ENPP4: variants seen among roughly 807,000 people sequenced by gnomAD.
ENPP4 encodes the protein ectonucleotide pyrophosphatase/phosphodiesterase 4, also known as bis(5'-adenosyl)-triphosphatase ENPP4.
ENPP4 carries 18 observed loss-of-function variants against 33.4 expected under a neutral mutation model. The observed-to-expected ratio is 0.54, with a 90% CI of 0.37 to 0.80. The LOEUF is 0.80. Ranked by LOEUF, ENPP4 falls within the 30% of genes least tolerant of loss-of-function variation. The pLI, the probability that ENPP4 is intolerant of heterozygous loss-of-function variation, is 0.00. For synonymous variants in ENPP4, 172 were observed against 189.9 expected, an observed-to-expected ratio of 0.91 and a Z score of 0.78; for missense variants, 480 against 541.7, an observed-to-expected ratio of 0.89 and a Z score of 1.13.
chr6:46,139,742 C>G lies in ENPP4; in HGVS notation c.159C>G (p.Ile53Met). The change falls in exon 2 of 4, where the codon ATC becomes ATG. Residue 53 changes from isoleucine (I) to methionine (M), a missense_variant. Physicochemically the swap from Ile to Met is conservative, Grantham distance 10. Transcript: ENST00000321037. ...NYEFPHLQNF[I>M]KEGVLVEHVK... ...AATTTCCTCATCTCCAGAATTTTAT[C>G]AAAGAAGGTGTTTTGGTAGAGCATG... The G allele has an allele frequency of 6.2e-7, 1 of 1,611,794 alleles. No homozygotes were observed. The highest frequency in any genetic ancestry group is 1.7e-4 in the Middle Eastern group (1 of 6,048).
chr6:46,140,082 A>G lies in ENPP4; in HGVS notation c.499A>G (p.Ile167Val), dbSNP rs980249650. 6.2e-7 allele frequency: 1 copy of G among 1,612,654 alleles called. No homozygotes were observed. The highest frequency in any genetic ancestry group is 8.5e-7 in the Non-Finnish European group (1 of 1,179,076). The part of the protein sequence containing the change: ...SVSFEERLNN[I>V]TMWLNNSNPP... ...GTCATTTGAGGAAAGACTAAATAAT[A>G]TTACTATGTGGCTAAACAATTCGAA... The change falls in exon 2 of 4, where the codon ATT becomes GTT. Residue 167 changes from isoleucine (I) to valine (V), a missense_variant. Ile to Val is a conservative substitution (Grantham distance 29). Around this residue, in one of 3 missense-constraint regions of ENPP4, gnomAD observed 227 missense variants for 273.7 expected, o/e 0.83. Coordinates refer to ENST00000321037, the MANE Select transcript of ENPP4 (RefSeq NM_014936.5).
chr6:46,134,784 A>G (rs1055075953), intron 1 of ENPP4, among the ~76,000 whole-genome samples: 3 of 152,040 alleles, frequency 2.0e-5, no homozygotes, highest in African/African-American at 4.8e-5. Context: ...TGTCATCACA[A>G]TCAATTTGAA....
In ENPP4 at chr6:46,129,990, C is replaced by T. The variant is rs1422840484; in HGVS notation, c.-233C>T. The T allele has an allele frequency of 6.6e-6, 1 of 152,354 alleles. No individual in the cohort carries two copies. The highest frequency in any genetic ancestry group is 1.9e-4 in the East Asian group (1 of 5,180). The allele number at this position is 152,354 out of a possible 1,614,324, so 9.4% of individuals were successfully genotyped here. Reference sequence around the variant, plus strand: ...GACGCTCGCCTGGCAGCTGCGCACACTCGGAGCGCCCCGAGCGGCGCAGAT... The same window carrying T: ...GACGCTCGCCTGGCAGCTGCGCACATTCGGAGCGCCCCGAGCGGCGCAGAT... On this transcript the variant is annotated 5_prime_UTR_variant, in exon 1 of 4. Coordinates refer to ENST00000321037, the MANE Select transcript of ENPP4 (RefSeq NM_014936.5).
At position 46,141,179 on chromosome 6, in the gene ENPP4, C is replaced by G. The variant is rs9472696; in HGVS notation, c.954C>G (p.Ala318=). Residue 318 remains alanine, a synonymous_variant, in exon 3 of 4, where the codon GCC becomes GCG. Coordinates refer to ENST00000321037, the MANE Select transcript of ENPP4 (RefSeq NM_014936.5). ...NDRIQPIILV[A]DEGWTIVLNE... is the part of the protein sequence containing the mutation. ...GAATTCAGCCCATTATTTTGGTTGC[C>G]GATGAAGGCTGGACAATTGTGCTAA... 0.074 allele frequency: 118,884 copies of G among 1,607,900 alleles called. 5,332 individuals carry two copies. Among genetic ancestry groups the G allele is most frequent in the East Asian group, 0.18 (8,102 of 44,694 alleles).
At chr6:46,134,180 G>A (rs964239711) in intron 1 of ENPP4, among the ~76,000 whole-genome samples, 56 of 152,098 alleles carry the variant, frequency 3.7e-4, no homozygotes, top group African/African-American at 1.1e-3. Flanking sequence ...AATGATAAAG[G>A]GAAACTAATT....
At chr6:46,131,387 C>T (rs1486553798) in intron 1 of ENPP4, among the ~76,000 whole-genome samples, 1 of 151,308 alleles carries the variant, frequency 6.6e-6, no homozygotes, top group Non-Finnish European at 1.5e-5. Flanking sequence ...TCAATTCCCA[C>T]CTATGAGTGA....
chr6:46,132,746 T>G (rs1211878274), intron 1 of ENPP4, among the ~76,000 whole-genome samples: 8 of 152,108 alleles, frequency 5.3e-5, no homozygotes, highest in Admixed American at 2.0e-4. Flanking sequence ...ACCTTGGGCA[T>G]TATGGCCATT....
intron 1 of ENPP4, among the ~76,000 whole-genome samples, chr6:46,133,047 T>A (rs1195975734): frequency 6.6e-6 from 1 of 152,178 alleles, no homozygotes; most frequent in Non-Finnish European, 1.5e-5. Context: ...AAGGAGATTC[T>A]GGGCTGAGAC....
intron 1 of ENPP4, among the ~76,000 whole-genome samples, chr6:46,131,119 CA>C (rs970051133): frequency 3.4e-4 from 40 of 116,910 alleles, no homozygotes; most frequent in African/African-American, 9.5e-4. Context: ...ATTTGGAAGA[CA>C]TTTTTTTTTA....
intron 1 of ENPP4, among the ~76,000 whole-genome samples, chr6:46,131,119 CAT>C (rs1491380966): frequency 8.6e-6 from 1 of 116,794 alleles, no homozygotes; most frequent in Non-Finnish European, 2.1e-5. Flanking sequence ...ATTTGGAAGA[CAT>C]TTTTTTTTAT....
intron 1 of ENPP4, among the ~76,000 whole-genome samples, chr6:46,136,857 T>G (rs956477293): frequency 6.6e-6 from 1 of 151,888 alleles, no homozygotes; most frequent in Non-Finnish European, 1.5e-5. Flanking sequence ...AGTGGGTAGC[T>G]GTTAAAAATG....
intron 3 of ENPP4, 113 bp from the exon 4 acceptor site, chr6:46,143,163 A>T: frequency 9.3e-7 from 1 of 1,079,810 alleles, no homozygotes; most frequent in Non-Finnish European, 1.3e-6. Context: ...AGAAATAGAA[A>T]TTTTTATTTC....
At position 46,145,242 on chromosome 6, in the gene ENPP4, T is replaced by G. The variant is rs184844576; in HGVS notation, c.*1602T>G. Reference sequence around the variant, plus strand: ...CAAACATACAGTGCGTCCTATTGAGTCACTGCTAATTTCTTGAGCCTGGTA... The same window carrying G: ...CAAACATACAGTGCGTCCTATTGAGGCACTGCTAATTTCTTGAGCCTGGTA... On this transcript the variant is annotated 3_prime_UTR_variant, in exon 4 of 4. Coordinates refer to ENST00000321037, the MANE Select transcript of ENPP4 (RefSeq NM_014936.5). 2 of 279,502 alleles carry G rather than the reference T, an allele frequency of 7.2e-6. No individual in the cohort carries two copies. The highest frequency in any genetic ancestry group is 1.0e-4 in the Admixed American group (2 of 19,108). 17.3% of individuals were successfully genotyped at this position (279,502 alleles called of 1,614,324 possible). A position where few individuals can be genotyped will look rare whatever the true frequency, so the allele number is the denominator to read the frequency against.
In ENPP4 at chr6:46,139,813, T is replaced by G. The variant is rs751209507; in HGVS notation, c.230T>G (p.Ile77Ser). Reference sequence around the variant, plus strand: ...AAAACATTTCCAAACCACTACAGTATTGTGACAGGCTTGTATGAAGAAAGC... The same window carrying G: ...AAAACATTTCCAAACCACTACAGTAGTGTGACAGGCTTGTATGAAGAAAGC... The part of the protein sequence containing the change: ...ITKTFPNHYS[I>S]VTGLYEESHG... Residue 77 changes from isoleucine to serine, a missense_variant, in exon 2 of 4, where the codon ATT becomes AGT. This residue lies in a region of ENPP4 where 227 missense variants were observed against 273.7 expected (regional missense o/e 0.83). Coordinates refer to ENST00000321037, the MANE Select transcript of ENPP4 (RefSeq NM_014936.5). 6.2e-6 allele frequency: 10 copies of G among 1,612,500 alleles called. No homozygotes were observed. The highest frequency in any genetic ancestry group is 6.8e-6 in the Non-Finnish European group (8 of 1,178,962).
chr6:46,136,335 G>C (rs1469457057), intron 1 of ENPP4, among the ~76,000 whole-genome samples: 2 of 151,994 alleles, frequency 1.3e-5, no homozygotes, highest in Non-Finnish European at 2.9e-5. Flanking sequence ...AGTGATAGTA[G>C]ATATTTGTTG....
intron 1 of ENPP4, among the ~76,000 whole-genome samples, chr6:46,133,253 AT>A (rs1763929047): frequency 6.6e-6 from 1 of 152,226 alleles, no homozygotes; most frequent in Non-Finnish European, 1.5e-5. Flanking sequence ...ATTTTACAAA[AT>A]TGGAGAATAA....
At chr6:46,134,883 A>G (rs7356846) in intron 1 of ENPP4, among the ~76,000 whole-genome samples, 47,754 of 151,668 alleles carry the variant, frequency 0.31, 7,937 homozygotes, top group Middle Eastern at 0.44. Context: ...GATAGTTACT[A>G]TAGTTACTTT....
In ENPP4 at chr6:46,143,578, G is replaced by T; in HGVS notation, c.1300G>T (p.Val434Leu). 1 of 1,612,378 alleles carries T rather than the reference G, an allele frequency of 6.2e-7. No individual in the cohort carries two copies. Among genetic ancestry groups the T allele is most frequent in the Non-Finnish European group, 8.5e-7 (1 of 1,178,820 alleles). The change falls in exon 4 of 4, where the codon GTA becomes TTA. Residue 434 changes from valine to leucine, a missense_variant. Coordinates refer to ENST00000321037, the MANE Select transcript of ENPP4 (RefSeq NM_014936.5). Reference sequence around the variant, plus strand: ...AATAATCATGCAGAATAGACTTTCTGTACCTCGTCCATTTTCTCGACTTCA... The same window carrying T: ...AATAATCATGCAGAATAGACTTTCTTTACCTCGTCCATTTTCTCGACTTCA... ...LIIIMQNRLSVPRPFSRLQLQ... is the reference protein window; with the variant it reads ...LIIIMQNRLSLPRPFSRLQLQ...
At chr6:46,142,676 G>A (rs537618897) in intron 3 of ENPP4, among the ~76,000 whole-genome samples, 2 of 151,384 alleles carry the variant, frequency 1.3e-5, no homozygotes, top group Non-Finnish European at 1.5e-5. Context: ...ACGGGTGTAC[G>A]TTAAATGGCA....
Sources: allele counts gnomAD v4.1 joint callset (sites outside exome capture counted in the v4.1 genomes callset), GRCh38; gene constraint gnomAD v4.1.1; regional missense constraint gnomAD v4.1.1; transcripts MANE v1.5; gene names NCBI Gene and HGNC (gene_info 2026-07-23, HGNC 2026-07-21).